The following ZNF385B variants were observed in gnomAD, a reference collection of about 807,000 sequenced individuals.
ZNF385B encodes zinc finger protein 533.
A neutral mutation model predicts 39.2 loss-of-function variants in ZNF385B; 23 were observed. The ratio of observed to expected loss-of-function variants is 0.59; its 90% CI spans 0.42 to 0.83. The LOEUF is 0.83. ZNF385B is among the 40% of genes least tolerant of loss of function. The pLI is 0.00. For missense variants in ZNF385B, 552 were observed against 598.9 expected (o/e 0.92, Z 0.82); for synonymous variants, 205 against 222.6 (o/e 0.92, Z 0.70).
intron 3 of ZNF385B, among the ~76,000 whole-genome samples, chr2:179,644,701 A>G (rs1692563660): frequency 6.6e-6 from 1 of 152,152 alleles, no homozygotes; most frequent in African/African-American, 2.4e-5. Flanking sequence ...ACGTTAGACT[A>G]AAATAAAACC....
chr2:179,700,767 G>A (rs774473340), intron 3 of ZNF385B, among the ~76,000 whole-genome samples: 9 of 152,120 alleles, frequency 5.9e-5, no homozygotes, highest in African/African-American at 7.2e-5. Context: ...TAATCCCAAC[G>A]CTTTGGAAGG....
chr2:179,457,296 A>G (rs2050805904), intron 6 of ZNF385B, among the ~76,000 whole-genome samples: 1 of 152,166 alleles, frequency 6.6e-6, no homozygotes, highest in Admixed American at 6.5e-5. Flanking sequence ...AAAATTTAAA[A>G]TGTTTTCAGT....
At chr2:179,763,252 T>G (rs1399647013) in intron 3 of ZNF385B, among the ~76,000 whole-genome samples, 1 of 152,186 alleles carries the variant, frequency 6.6e-6, no homozygotes. Flanking sequence ...TTATGGTTTC[T>G]GAAGGACTGG....
intron 3 of ZNF385B, among the ~76,000 whole-genome samples, chr2:179,578,490 T>C (rs936790872): frequency 6.6e-6 from 1 of 152,130 alleles, no homozygotes; most frequent in Non-Finnish European, 1.5e-5. Flanking sequence ...CCTATGTGTA[T>C]ACAGTCACTC....
intron 3 of ZNF385B, among the ~76,000 whole-genome samples, chr2:179,589,190 C>T (rs1337075337): frequency 1.3e-5 from 2 of 152,130 alleles, no homozygotes; most frequent in Non-Finnish European, 1.5e-5. Flanking sequence ...TGTTACTTGT[C>T]AGTTTGCCTC....
At chr2:179,723,754 T>C (rs1700834907) in intron 3 of ZNF385B, among the ~76,000 whole-genome samples, 1 of 152,162 alleles carries the variant, frequency 6.6e-6, no homozygotes, top group Admixed American at 6.5e-5. Flanking sequence ...CTAGATACAT[T>C]GATGCCTAAT....
At chr2:179,683,829 T>A (rs1697721916) in intron 3 of ZNF385B, among the ~76,000 whole-genome samples, 1 of 152,192 alleles carries the variant, frequency 6.6e-6, no homozygotes, top group Non-Finnish European at 1.5e-5. Flanking sequence ...AGAAAACATT[T>A]ATGTTTGTTT....
In ZNF385B at chr2:179,502,793, C is replaced by G. The variant is rs114998589; in HGVS notation, c.552+15735G>C. Reference sequence around the variant, plus strand: ...CATTGCCACATTCTACCTTCACCCCCACATTCAATCCATCACCAAGTCCAA... The same window carrying G: ...CATTGCCACATTCTACCTTCACCCCGACATTCAATCCATCACCAAGTCCAA... On this transcript the variant is annotated intron_variant, in intron 5 of 9. Coordinates refer to ENST00000410066, the MANE Select transcript of ZNF385B (RefSeq NM_152520.6). 5.3e-3 allele frequency among the ~76,000 whole-genome samples: 803 copies of G among 152,282 alleles called. 9 individuals are homozygous for G. The highest frequency in any genetic ancestry group is 0.018 in the African/African-American group (763 of 41,540).
chr2:179,586,805 G>A (rs1048951135), intron 3 of ZNF385B, among the ~76,000 whole-genome samples: 6 of 152,168 alleles, frequency 3.9e-5, no homozygotes, highest in Non-Finnish European at 7.4e-5. Context: ...CTGGGAGGCC[G>A]AGGCGGGCGG....
rs1443407317 is a variant in ZNF385B at position 179,562,520 on chromosome 2, G to A, written c.299-17551C>T. The A allele has an allele frequency of 4.1e-6, 4 of 985,234 alleles. No individual in the cohort carries two copies. The East Asian group carries it at 3.4e-4, about 84-fold the overall frequency. The allele number at this position is 985,234 out of a possible 1,614,324, so 61.0% of individuals were successfully genotyped here. A position where few individuals can be genotyped will look rare whatever the true frequency, so the allele number is the denominator to read the frequency against. ...GTGCTCCCGTGAAATGTGGTGCTAG[G>A]AAACAGCCGGCAGGCAGTGCTTCTG... On this transcript the variant is annotated intron_variant, in intron 3 of 9. Coordinates refer to ENST00000410066, the MANE Select transcript of ZNF385B (RefSeq NM_152520.6).
chr2:179,854,466 TAA>T (rs71401765), intron 1 of ZNF385B, among the ~76,000 whole-genome samples: 1 of 143,340 alleles, frequency 7.0e-6, no homozygotes, highest in East Asian at 2.0e-4. Flanking sequence ...TAGGCTGCCA[TAA>T]AAAAAAAAAG....
At chr2:179,452,800 T>C (rs2050288928) in intron 6 of ZNF385B, among the ~76,000 whole-genome samples, 1 of 152,130 alleles carries the variant, frequency 6.6e-6, no homozygotes, top group Admixed American at 6.6e-5. Context: ...GTTGGTAAAC[T>C]TTTTCTGTAC....
At chr2:179,534,849 T>C (rs1247220439) in intron 4 of ZNF385B, 2 of 152,084 alleles carry the variant, frequency 1.3e-5, no homozygotes, top group Non-Finnish European at 2.9e-5. Flanking sequence ...CCAAATGGCT[T>C]TTTGGAGAAG....
intron 3 of ZNF385B, among the ~76,000 whole-genome samples, chr2:179,715,086 A>C (rs1700250282): frequency 1.3e-5 from 2 of 152,286 alleles, no homozygotes; most frequent in South Asian, 4.1e-4. Context: ...TGCTGACAAA[A>C]TTAAACACAT....
intron 3 of ZNF385B, among the ~76,000 whole-genome samples, chr2:179,664,727 AAAT>A (rs1559054840): frequency 6.6e-6 from 1 of 152,166 alleles, no homozygotes; most frequent in Non-Finnish European, 1.5e-5. Flanking sequence ...CAAGTGGGGA[AAAT>A]AATGTAGAAC....
chr2:179,560,549 T>G (rs1318002600), intron 3 of ZNF385B, among the ~76,000 whole-genome samples: 3 of 152,184 alleles, frequency 2.0e-5, no homozygotes, highest in African/African-American at 7.2e-5. Context: ...TATCTCTGTC[T>G]CCTTTTCTGT....
chr2:179,663,690 G>T (rs902558592), intron 3 of ZNF385B, among the ~76,000 whole-genome samples: 43 of 137,578 alleles, frequency 3.1e-4, no homozygotes, highest in African/African-American at 1.2e-3. Flanking sequence ...ATCCAGCCTG[G>T]GCGACAGAGC....
At chr2:179,658,390 G>A (rs1389266388) in intron 3 of ZNF385B, among the ~76,000 whole-genome samples, 1 of 152,198 alleles carries the variant, frequency 6.6e-6, no homozygotes, top group Non-Finnish European at 1.5e-5. Flanking sequence ...CAGGTATACA[G>A]TGTTGCCAAT....
intron 3 of ZNF385B, among the ~76,000 whole-genome samples, chr2:179,605,086 TGAGA>T (rs1688696058): frequency 6.6e-6 from 1 of 152,104 alleles, no homozygotes; most frequent in African/African-American, 2.4e-5. Context: ...TTTGGATGCC[TGAGA>T]GAGACATGTT....
Sources: allele counts gnomAD v4.1 joint callset (sites outside exome capture counted in the v4.1 genomes callset), GRCh38; gene constraint gnomAD v4.1.1; transcripts MANE v1.5; gene names NCBI Gene and HGNC (gene_info 2026-07-23, HGNC 2026-07-21).